The following FHIT variants were observed in gnomAD, a reference collection of about 807,000 sequenced individuals.
The protein encoded by FHIT is fragile histidine triad diadenosine triphosphatase.
Under a neutral mutation model 17.9 loss-of-function variants are expected in FHIT, and 19 were observed. That is an observed-to-expected ratio of 1.06 (90% CI 0.74 to 1.56). FHIT has a LOEUF of 1.56. FHIT is among the 40% of genes most tolerant of loss of function. FHIT has a pLI of 0.00. For synonymous variants in FHIT, 81 were observed against 69.7 expected (o/e 1.16, Z -0.81); for missense variants, 248 against 189.2 (o/e 1.31, Z -1.82).
At chr3:60,730,308 T>G (rs1553710801) in intron 4 of FHIT, 1 of 262,414 alleles carries the variant, frequency 3.8e-6, no homozygotes, top group Non-Finnish European at 8.2e-6. Flanking sequence ...CTTCTCTTTT[T>G]GTAGCCTCCC....
At chr3:60,077,349 C>T (rs1345024354) in intron 5 of FHIT, 3 of 151,824 alleles carry the variant, frequency 2.0e-5, no homozygotes, top group Non-Finnish European at 4.4e-5. Context: ...AGCAATGATA[C>T]CCCACTATAA....
chr3:60,384,601 T>C (rs549759292), intron 5 of FHIT, among the ~76,000 whole-genome samples: 4 of 152,256 alleles, frequency 2.6e-5, no homozygotes, highest in South Asian at 2.1e-4. Context: ...TGGTCAGTCA[T>C]GGACATAAAC....
At chr3:60,249,214 G>A (rs916303214) in intron 5 of FHIT, among the ~76,000 whole-genome samples, 55 of 152,120 alleles carry the variant, frequency 3.6e-4, no homozygotes, top group Non-Finnish European at 2.9e-5. Context: ...CAAGGTGTTC[G>A]TTTTTCTATT....
chr3:60,150,274 G>A (rs1245926168), intron 5 of FHIT, among the ~76,000 whole-genome samples: 2 of 151,826 alleles, frequency 1.3e-5, no homozygotes, highest in Admixed American at 6.5e-5. Context: ...TGGGATTACA[G>A]GCATGAGCCA....
chr3:59,792,783 T>C (rs1168859622), intron 8 of FHIT, among the ~76,000 whole-genome samples: 2 of 151,614 alleles, frequency 1.3e-5, no homozygotes, highest in East Asian at 1.9e-4. Context: ...CTCAAACATA[T>C]TTGTCCATCT....
intron 4 of FHIT, among the ~76,000 whole-genome samples, chr3:60,647,164 G>A (rs1020823780): frequency 6.6e-6 from 1 of 152,186 alleles, no homozygotes; most frequent in African/African-American, 2.4e-5. Flanking sequence ...GGAAAGGCAT[G>A]GGAGAGAGTC....
chr3:60,468,022 T>A (rs1396485874), intron 5 of FHIT, among the ~76,000 whole-genome samples: 2 of 152,174 alleles, frequency 1.3e-5, no homozygotes, highest in African/African-American at 4.8e-5. Flanking sequence ...CTTGCTGAAT[T>A]GACCCCTTTG....
At chr3:60,096,596 C>G (rs1180874558) in intron 5 of FHIT, among the ~76,000 whole-genome samples, 1 of 152,126 alleles carries the variant, frequency 6.6e-6, no homozygotes, top group Non-Finnish European at 1.5e-5. Context: ...TTGGCTGCCT[C>G]CTACTGTCCT....
chr3:60,387,337 G>A (rs1056173309), intron 5 of FHIT, among the ~76,000 whole-genome samples: 1 of 152,020 alleles, frequency 6.6e-6, no homozygotes, highest in African/African-American at 2.4e-5. Context: ...TCTCCCTGCA[G>A]GCAGGGACCA....
chr3:60,760,586 C>G lies in FHIT; in HGVS notation c.-18+61333G>C, dbSNP rs551440270. Among the ~76,000 whole-genome samples the G allele has an allele frequency of 3.3e-5, 5 of 152,160 alleles. No individual in the cohort carries two copies. The East Asian group carries it at 9.6e-4, about 29-fold the overall frequency. The stretch of plus-strand genomic sequence containing the variant: ...ATATTAATTTTCATTTTTCCTGCTC[C>G]CGTCAGCTTAAAACGAAAAGTTTCT... On this transcript the variant is annotated intron_variant, in intron 4 of 9. Transcript: ENST00000492590.
intron 5 of FHIT, among the ~76,000 whole-genome samples, chr3:60,051,873 C>A (rs1385591121): frequency 1.3e-5 from 2 of 152,260 alleles, no homozygotes; most frequent in South Asian, 4.2e-4. Context: ...ACTGCCTAAT[C>A]TGGGAAGGTA....
rs537123801 is a variant in FHIT, at chr3:60,481,905, A to G, written c.103+54955T>C. 2.2e-4 allele frequency among the ~76,000 whole-genome samples: 33 copies of G among 152,340 alleles called. 1 individual carries two copies. In the South Asian group the frequency reaches 6.4e-3, roughly 30 times the overall value. On this transcript the variant is annotated intron_variant, in intron 5 of 9. Transcript: ENST00000492590. Reference sequence around the variant, plus strand: ...CAAATTGGATAAAGAGTCAAGACCCATCAGTGTGCTGTGTTCAGGAGACCC... The same window carrying G: ...CAAATTGGATAAAGAGTCAAGACCCGTCAGTGTGCTGTGTTCAGGAGACCC...
chr3:60,523,683 G>A (rs748767227), intron 5 of FHIT, among the ~76,000 whole-genome samples: 14 of 152,184 alleles, frequency 9.2e-5, no homozygotes, highest in Non-Finnish European at 1.5e-4. Flanking sequence ...ATGAGCCGAC[G>A]AGTTATCAAA....
chr3:60,078,252 T>G (rs886711494), intron 5 of FHIT, among the ~76,000 whole-genome samples: 17 of 152,114 alleles, frequency 1.1e-4, no homozygotes, highest in African/African-American at 4.1e-4. Flanking sequence ...AGAAACCTGG[T>G]AGACACCACA....
intron 7 of FHIT, among the ~76,000 whole-genome samples, chr3:59,946,030 A>T (rs1380596587): frequency 6.6e-6 from 1 of 152,192 alleles, no homozygotes; most frequent in Non-Finnish European, 1.5e-5. Context: ...ATTCCATATG[A>T]ATTTTAGAAT....
intron 7 of FHIT, among the ~76,000 whole-genome samples, chr3:59,924,974 C>T (rs1224380432): frequency 6.6e-6 from 1 of 152,152 alleles, no homozygotes. Context: ...TTTTGCCTGC[C>T]CTACTGCATT....
intron 7 of FHIT, among the ~76,000 whole-genome samples, chr3:59,985,298 T>A (rs995229289): frequency 3.3e-5 from 5 of 152,096 alleles, no homozygotes; most frequent in Admixed American, 2.6e-4. Context: ...GCCACAGAAT[T>A]CCATTTTATC....
At chr3:60,612,176 G>A (rs1464083210) in intron 4 of FHIT, among the ~76,000 whole-genome samples, 7 of 152,028 alleles carry the variant, frequency 4.6e-5, no homozygotes, top group African/African-American at 1.5e-4. Flanking sequence ...CAAAGAGAAG[G>A]GTCAACTCTT....
intron 8 of FHIT, among the ~76,000 whole-genome samples, chr3:59,861,684 T>G (rs1702412411): frequency 2.0e-5 from 3 of 152,170 alleles, no homozygotes; most frequent in South Asian, 4.1e-4. Context: ...AAAATCACAT[T>G]CATCACCTTT....
Sources: allele counts gnomAD v4.1 joint callset (sites outside exome capture counted in the v4.1 genomes callset), GRCh38; gene constraint gnomAD v4.1.1; transcripts MANE v1.5; gene names NCBI Gene and HGNC (gene_info 2026-07-23, HGNC 2026-07-21).